The following ARHGEF38 variants were observed in gnomAD, a reference collection of about 807,000 sequenced individuals.
ARHGEF38 encodes Rho guanine nucleotide exchange factor 38, also known as Rho guanine nucleotide exchange factor (GEF) 38.
A neutral mutation model predicts 79.9 loss-of-function variants in ARHGEF38; 79 were observed. That is an observed-to-expected ratio of 0.99 (90% CI 0.82 to 1.19). The LOEUF is 1.19. Among genes scored for constraint, ARHGEF38 ranks in the 50% most tolerant of loss-of-function variants. ARHGEF38 has a pLI of 0.00. For missense variants in ARHGEF38, 962 were observed against 907.2 expected (o/e 1.06, Z -0.78); for synonymous variants, 366 against 328.3 (o/e 1.11, Z -1.24).
chr4:105,642,698 T>G (rs1259190581), intron 5 of ARHGEF38, among the ~76,000 whole-genome samples: 1 of 152,156 alleles, frequency 6.6e-6, no homozygotes, highest in Non-Finnish European at 1.5e-5. Context: ...GGAGGGGAAT[T>G]CCTACAAGAC....
At chr4:105,676,435 C>A (rs1731119176) in intron 13 of ARHGEF38, among the ~76,000 whole-genome samples, 1 of 152,104 alleles carries the variant, frequency 6.6e-6, no homozygotes. Context: ...CTTTTCCTAG[C>A]TGAGTTGTAA....
chr4:105,632,009 A>G (rs1212883600), intron 4 of ARHGEF38, among the ~76,000 whole-genome samples: 1 of 152,108 alleles, frequency 6.6e-6, no homozygotes, highest in East Asian at 1.9e-4. Flanking sequence ...ACTCTGTGTG[A>G]TAGGGGAAAG....
intron 7 of ARHGEF38, among the ~76,000 whole-genome samples, chr4:105,652,294 C>A (rs1730135949): frequency 6.6e-6 from 1 of 152,166 alleles, no homozygotes; most frequent in Non-Finnish European, 1.5e-5. Flanking sequence ...TTGGCAGTGT[C>A]TGGAACACAG....
chr4:105,552,712 C>T lies in ARHGEF38; in HGVS notation c.-54C>T. On this transcript the variant is annotated 5_prime_UTR_variant, in exon 1 of 14. Transcript: ENST00000420470. ...AGTAGCTTTAACCCTCACCCTGAGG[C>T]ACCTTAGCAATCAGCCATTGCCTGC... 6.9e-7 allele frequency: 1 copy of T among 1,454,688 alleles called. No homozygotes were observed. The highest frequency in any genetic ancestry group is 1.3e-5 in the South Asian group (1 of 76,100). 90.1% of individuals were successfully genotyped at this position (1,454,688 alleles called of 1,614,324 possible). A position where few individuals can be genotyped will look rare whatever the true frequency, so the allele number is the denominator to read the frequency against.
intron 5 of ARHGEF38, among the ~76,000 whole-genome samples, chr4:105,643,062 T>C (rs1177406358): frequency 6.6e-6 from 1 of 151,838 alleles, no homozygotes; most frequent in Non-Finnish European, 1.5e-5. Flanking sequence ...TATAAGAAAA[T>C]GTCCTTCATA....
intron 8 of ARHGEF38, 56 bp downstream of exon 8, chr4:105,654,225 T>G: frequency 1.0e-5 from 10 of 1,001,640 alleles, no homozygotes; most frequent in Non-Finnish European, 1.4e-5. Flanking sequence ...TACAAACCAT[T>G]GATTTCCATG....
chr4:105,634,274 C>A (rs896049511), intron 4 of ARHGEF38, among the ~76,000 whole-genome samples: 1 of 152,106 alleles, frequency 6.6e-6, no homozygotes, highest in African/African-American at 2.4e-5. Flanking sequence ...AATATAGATA[C>A]AATCTAAGCA....
intron 6 of ARHGEF38, among the ~76,000 whole-genome samples, chr4:105,646,357 A>T (rs1317919153): frequency 7.2e-5 from 11 of 152,354 alleles, no homozygotes; most frequent in African/African-American, 2.6e-4. Context: ...ATTGTAATAC[A>T]AAAAGGTTAA....
chr4:105,589,408 A>T lies in ARHGEF38; in HGVS notation c.357A>T (p.Glu119Asp). The T allele has an allele frequency of 6.2e-7, 1 of 1,612,844 alleles. No individual in the cohort carries two copies. The highest frequency in any genetic ancestry group is 8.5e-7 in the Non-Finnish European group (1 of 1,179,654). ...YLNDLELCVR[E>D]VVQPLRNKKT... ...ATGATCTAGAGCTGTGTGTTAGGGA[A>T]GTGGTTCAGCCCCTGAGAAATAAAA... Residue 119 changes from glutamate to aspartate, a missense_variant, in exon 2 of 14, where the codon GAA becomes GAT. Physicochemically the swap from Glu to Asp is conservative, Grantham distance 45 (BLOSUM62 2). Coordinates refer to ENST00000420470, the MANE Select transcript of ARHGEF38 (RefSeq NM_001242729.2).
chr4:105,664,147 G>T (rs935527300), intron 10 of ARHGEF38, among the ~76,000 whole-genome samples: 1 of 152,112 alleles, frequency 6.6e-6, no homozygotes, highest in Non-Finnish European at 1.5e-5. Context: ...AATTATTTTG[G>T]ATATATACCC....
intron 13 of ARHGEF38, among the ~76,000 whole-genome samples, chr4:105,668,585 T>A (rs1466078236): frequency 6.6e-6 from 1 of 152,196 alleles, no homozygotes. Flanking sequence ...TTTATTTATT[T>A]ACCTTGCTTT....
chr4:105,620,018 T>A (rs546320704), intron 3 of ARHGEF38, among the ~76,000 whole-genome samples: 11 of 152,146 alleles, frequency 7.2e-5, no homozygotes, highest in South Asian at 4.1e-4. Context: ...ATGAAGAAAA[T>A]TTTACTCAAT....
At chr4:105,664,675 A>T (rs1321346207) in intron 10 of ARHGEF38, among the ~76,000 whole-genome samples, 1 of 152,224 alleles carries the variant, frequency 6.6e-6, no homozygotes, top group South Asian at 2.1e-4. Flanking sequence ...ATAACTATTT[A>T]CAAAAATGTG....
intron 10 of ARHGEF38, among the ~76,000 whole-genome samples, chr4:105,661,111 A>G (rs1730545005): frequency 6.6e-6 from 1 of 152,218 alleles, no homozygotes; most frequent in Non-Finnish European, 1.5e-5. Context: ...GGCTTCTTCT[A>G]TTTAGCATAA....
intron 1 of ARHGEF38, among the ~76,000 whole-genome samples, chr4:105,588,132 C>T (rs923432447): frequency 2.0e-5 from 3 of 152,112 alleles, no homozygotes; most frequent in South Asian, 4.2e-4. Context: ...GCTTTGTTCC[C>T]GGAGTCAGCC....
At chr4:105,631,435 T>A (rs1729189446) in intron 4 of ARHGEF38, 9 of 987,962 alleles carry the variant, frequency 9.1e-6, no homozygotes, top group Non-Finnish European at 1.1e-5. Flanking sequence ...GTTAGGGGAA[T>A]GGCCTACAAC....
intron 5 of ARHGEF38, among the ~76,000 whole-genome samples, chr4:105,640,038 TACTCTA>T (rs1224367484): frequency 7.2e-5 from 11 of 152,066 alleles, no homozygotes; most frequent in Non-Finnish European, 1.6e-4. Context: ...TTATCTTTAT[TACTCTA>T]AAAACATGCT....
At chr4:105,645,605 G>T (rs1354780921) in intron 6 of ARHGEF38, among the ~76,000 whole-genome samples, 3 of 152,134 alleles carry the variant, frequency 2.0e-5, no homozygotes, top group African/African-American at 7.2e-5. Flanking sequence ...AATAAATCAA[G>T]CAGCCATATG....
At position 105,648,657 on chromosome 4, in the gene ARHGEF38, A is replaced by C; in HGVS notation, c.983A>C (p.Lys328Thr). Residue 328 changes from lysine (K) to threonine (T), a missense_variant, in exon 7 of 14, where the codon AAG becomes ACG. Lys to Thr is a moderately conservative substitution (Grantham distance 78, BLOSUM62 -1). Coordinates refer to ENST00000420470, the MANE Select transcript of ARHGEF38 (RefSeq NM_001242729.2). The part of the protein sequence containing the change: ...KKSKRVTNHL[K>T]ILTRGESQVK... ...TCAAAAAGAGTGACAAATCATCTGA[A>C]GATTCTGACCAGAGGAGAATCACAG... 2.0e-6 allele frequency: 3 copies of C among 1,532,256 alleles called. No individual in the cohort carries two copies. Among genetic ancestry groups the C allele is most frequent in the Non-Finnish European group, 2.6e-6 (3 of 1,145,356 alleles). The allele number at this position is 1,532,256 out of a possible 1,614,324, so 94.9% of individuals were successfully genotyped here.
Sources: allele counts gnomAD v4.1 joint callset (sites outside exome capture counted in the v4.1 genomes callset), GRCh38; gene constraint gnomAD v4.1.1; transcripts MANE v1.5; gene names NCBI Gene and HGNC (gene_info 2026-07-23, HGNC 2026-07-21).